Variants in SGCZ observed in about 807,000 individuals in gnomAD.
SGCZ encodes the protein zeta-sarcoglycan.
A neutral mutation model predicts 41.3 loss-of-function variants in SGCZ; 40 were observed. The ratio of observed to expected loss-of-function variants is 0.97; its 90% CI spans 0.75 to 1.26. SGCZ has a LOEUF of 1.26. Among genes scored for constraint, SGCZ ranks in the 50% most tolerant of loss-of-function variants. The pLI is 0.00. For missense variants in SGCZ, 552 were observed against 369.8 expected (o/e 1.49, Z -4.04); for synonymous variants, 206 against 137.5 (o/e 1.50, Z -3.49).
intron 1 of SGCZ, among the ~76,000 whole-genome samples, chr8:15,173,525 T>A (rs1250119099): frequency 6.6e-6 from 1 of 152,032 alleles, no homozygotes; most frequent in Non-Finnish European, 1.5e-5. Context: ...AATGGAGGAG[T>A]GCCTTGTATA....
chr8:14,903,761 G>C (rs1002035354), intron 1 of SGCZ, among the ~76,000 whole-genome samples: 4 of 151,970 alleles, frequency 2.6e-5, no homozygotes, highest in African/African-American at 9.7e-5. Context: ...ATACTAGTCA[G>C]AGTATGAGTG....
chr8:14,931,745 C>G (rs1190890690), intron 1 of SGCZ, among the ~76,000 whole-genome samples: 1 of 152,032 alleles, frequency 6.6e-6, no homozygotes, highest in Non-Finnish European at 1.5e-5. Context: ...CTTTAGAAGT[C>G]ATTAAAAAGA....
Position 14,087,918 on chromosome 8 carries a change from T to G in SGCZ, c.*2525A>C, listed in dbSNP as rs1268473983. On this transcript the variant is annotated 3_prime_UTR_variant, in exon 8 of 8. Transcript: ENST00000382080. ...CCATCGCTATCACTATATTTTCTAC[T>G]GTACTGAACCGATTTGTTATATCAT... is the stretch of plus-strand genomic sequence containing the variant. 1.3e-5 allele frequency among the ~76,000 whole-genome samples: 2 copies of G among 151,750 alleles called. No homozygotes were observed. The highest frequency in any genetic ancestry group is 4.8e-5 in the African/African-American group (2 of 41,402).
At chr8:15,212,578 G>A (rs749456105) in intron 1 of SGCZ, among the ~76,000 whole-genome samples, 2 of 151,974 alleles carry the variant, frequency 1.3e-5, no homozygotes, top group African/African-American at 4.8e-5. Flanking sequence ...GAGAGCCTTG[G>A]CTACAGCTGG....
At chr8:14,415,298 C>T (rs2117288828) in intron 2 of SGCZ, among the ~76,000 whole-genome samples, 1 of 151,968 alleles carries the variant, frequency 6.6e-6, no homozygotes, top group South Asian at 2.1e-4. Flanking sequence ...TTGTTTATCA[C>T]AACAGAATAT....
intron 2 of SGCZ, among the ~76,000 whole-genome samples, chr8:14,547,380 T>C (rs1585067898): frequency 6.6e-6 from 1 of 152,132 alleles, no homozygotes; most frequent in South Asian, 2.1e-4. Context: ...AAAATAACAA[T>C]GATGGTTGAC....
intron 1 of SGCZ, among the ~76,000 whole-genome samples, chr8:14,586,285 T>C (rs1805054564): frequency 6.6e-6 from 1 of 152,122 alleles, no homozygotes; most frequent in African/African-American, 2.4e-5. Context: ...CCGATCTCTG[T>C]TGACTGCAAA....
chr8:14,362,612 TG>T lies in SGCZ; in HGVS notation c.235-38409del, dbSNP rs200745594. 8.7e-3 allele frequency among the ~76,000 whole-genome samples: 1,330 copies of T among 152,268 alleles called. 13 individuals carry two copies. The highest frequency in any genetic ancestry group is 0.02 in the South Asian group (98 of 4,828). The stretch of plus-strand genomic sequence containing the variant: ...AGGTACAGTCTGTCACAGCTTCCCT[TG>T]GGTAGGAAAGGGAAATCCCCAGACC... On this transcript the variant is annotated intron_variant, in intron 2 of 7. Transcript: ENST00000382080.
chr8:15,022,669 A>G (rs954145104), intron 1 of SGCZ, among the ~76,000 whole-genome samples: 1 of 152,128 alleles, frequency 6.6e-6, no homozygotes, highest in East Asian at 1.9e-4. Flanking sequence ...AGAACAACAC[A>G]TAACTCATCT....
chr8:14,319,299 T>C (rs1194955465), intron 3 of SGCZ, among the ~76,000 whole-genome samples: 1 of 151,966 alleles, frequency 6.6e-6, no homozygotes, highest in African/African-American at 2.4e-5. Flanking sequence ...TTGGATTTCT[T>C]CCGGCAATAT....
intron 1 of SGCZ, among the ~76,000 whole-genome samples, chr8:14,845,351 C>T (rs970966535): frequency 6.6e-6 from 1 of 152,156 alleles, no homozygotes; most frequent in Admixed American, 6.5e-5. Context: ...AATGTTTCTA[C>T]ATAACTCAGT....
intron 1 of SGCZ, among the ~76,000 whole-genome samples, chr8:14,808,401 C>A (rs535862498): frequency 6.6e-6 from 1 of 152,216 alleles, no homozygotes; most frequent in South Asian, 2.1e-4. Flanking sequence ...AAACAAACAA[C>A]CCCATCAAAA....
At chr8:14,253,678 C>G (rs1799364693) in intron 3 of SGCZ, among the ~76,000 whole-genome samples, 1 of 151,920 alleles carries the variant, frequency 6.6e-6, no homozygotes, top group African/African-American at 2.4e-5. Context: ...GAAATAAAAT[C>G]CCACATGTAA....
chr8:14,835,979 G>A (rs537221315), intron 1 of SGCZ, among the ~76,000 whole-genome samples: 13 of 152,240 alleles, frequency 8.5e-5, no homozygotes, highest in African/African-American at 3.1e-4. Context: ...AGAGTAAGAT[G>A]CCCAGCACGT....
At chr8:14,367,869 T>C (rs893573769) in intron 2 of SGCZ, among the ~76,000 whole-genome samples, 6 of 152,042 alleles carry the variant, frequency 3.9e-5, no homozygotes, top group Non-Finnish European at 7.4e-5. Flanking sequence ...TGGGAAAGAA[T>C]GTCACTTAAT....
At chr8:14,205,254 C>G (rs566887569) in intron 4 of SGCZ, among the ~76,000 whole-genome samples, 7 of 151,840 alleles carry the variant, frequency 4.6e-5, no homozygotes, top group Non-Finnish European at 1.0e-4. Flanking sequence ...CTGGAGACAT[C>G]AATTGAAATA....
chr8:14,559,578 A>C (rs988671319), intron 1 of SGCZ, among the ~76,000 whole-genome samples: 2 of 152,134 alleles, frequency 1.3e-5, no homozygotes, highest in African/African-American at 4.8e-5. Flanking sequence ...TACAAATTCA[A>C]TGTTGAGAAA....
chr8:14,426,448 AT>A (rs34774214), intron 2 of SGCZ, among the ~76,000 whole-genome samples: 18,135 of 152,042 alleles, frequency 0.12, 2,807 homozygotes, highest in African/African-American at 0.36. Flanking sequence ...GTCAATGCAA[AT>A]ATGTGTATGC....
chr8:15,098,072 T>A (rs992212834), intron 1 of SGCZ, among the ~76,000 whole-genome samples: 2 of 151,638 alleles, frequency 1.3e-5, no homozygotes, highest in Non-Finnish European at 2.9e-5. Flanking sequence ...TGGAAACCTG[T>A]CTATAGCCTT....
Sources: gnomAD v4.1 joint callset for allele counts (sites outside exome capture counted in the v4.1 genomes callset) on GRCh38, gnomAD v4.1.1 for gene constraint, MANE v1.5 for transcripts, NCBI Gene and HGNC (gene_info 2026-07-23, HGNC 2026-07-21) for gene names.